Variants in EHMT1 observed in about 807,000 individuals in gnomAD.
EHMT1 encodes histone-lysine N-methyltransferase EHMT1.
A neutral mutation model predicts 147.2 loss-of-function variants in EHMT1; 15 were observed. The ratio of observed to expected loss-of-function variants is 0.10; its 90% CI spans 0.07 to 0.16. The LOEUF is 0.16. EHMT1 is among the 10% of genes least tolerant of loss of function. EHMT1 has a pLI of 1.00. For synonymous variants in EHMT1, 795 were observed against 709.6 expected, an observed-to-expected ratio of 1.12 and a Z score of -1.91; for missense variants, 1,587 against 1,772.4, an observed-to-expected ratio of 0.90 and a Z score of 1.88.
intron 1 of EHMT1, among the ~76,000 whole-genome samples, chr9:137,648,925 C>T (rs1382736842): frequency 6.6e-6 from 1 of 152,166 alleles, no homozygotes; most frequent in Non-Finnish European, 1.5e-5. Flanking sequence ...ATAGTAGTCA[C>T]CCTTTAGCTG....
At chr9:137,821,502 ATTTTATTTTT>A (rs373682870) in intron 25 of EHMT1, among the ~76,000 whole-genome samples, 66 of 151,078 alleles carry the variant, frequency 4.4e-4, no homozygotes, top group Non-Finnish European at 8.1e-4. Flanking sequence ...TAATTTTTTT[ATTTTATTTTT>A]ATAGAGATGG....
chr9:137,768,459 T>C (rs1241784477), intron 10 of EHMT1, among the ~76,000 whole-genome samples: 1 of 148,214 alleles, frequency 6.7e-6, no homozygotes, highest in Admixed American at 6.8e-5. Flanking sequence ...GTTCAAGCGA[T>C]TCTTTTGCCT....
intron 18 of EHMT1, chr9:137,803,223 C>T: frequency 8.8e-7 from 1 of 1,141,630 alleles, no homozygotes; most frequent in Non-Finnish European, 1.1e-6. Context: ...TTAATTTAAC[C>T]ACTTTATTGC....
At position 137,776,525 on chromosome 9, in the gene EHMT1, A is replaced by C; in HGVS notation, c.1792-93A>C. On this transcript the variant is annotated intron_variant, in intron 11 of 26. Coordinates refer to ENST00000460843, the MANE Select transcript of EHMT1 (RefSeq NM_024757.5). This position sits in a 1 kb window ranked among gnomAD's most constrained non-coding sequence, Gnocchi z 4.4. ...CATGGCTCACTCTGCAGACCGCCCG[A>C]TGTGGGATGCGGTGCCAGTTTAGTA... The C allele has an allele frequency of 7.7e-7, 1 of 1,305,558 alleles. No homozygotes were observed. Among genetic ancestry groups the C allele is most frequent in the Non-Finnish European group, 1.1e-6 (1 of 923,602 alleles). 80.9% of individuals were successfully genotyped at this position (1,305,558 alleles called of 1,614,324 possible).
intron 1 of EHMT1, chr9:137,646,518 C>T (rs1423054550): frequency 2.6e-5 from 24 of 906,960 alleles, no homozygotes; most frequent in Non-Finnish European, 3.1e-5. Flanking sequence ...GGAAAGCAGC[C>T]TTGGCTGCCC....
chr9:137,832,093 C>T (rs928925672), intron 25 of EHMT1, among the ~76,000 whole-genome samples: 8 of 150,268 alleles, frequency 5.3e-5, no homozygotes, highest in East Asian at 2.0e-4. Context: ...CGCTGCACTT[C>T]GCCCCAGTCC....
At chr9:137,745,079 C>T (rs1355933437) in intron 6 of EHMT1, among the ~76,000 whole-genome samples, 2 of 152,234 alleles carry the variant, frequency 1.3e-5, no homozygotes, top group Non-Finnish European at 2.9e-5. Flanking sequence ...TAGACGCAAT[C>T]TTGTATCTAA....
At chr9:137,714,506 C>G (rs993182716) in intron 2 of EHMT1, among the ~76,000 whole-genome samples, 1 of 150,398 alleles carries the variant, frequency 6.6e-6, no homozygotes, top group Non-Finnish European at 1.5e-5. Flanking sequence ...ATCCTCCTCA[C>G]CAATTTTGTT....
rs545401254 is a variant in EHMT1 at position 137,757,845 on chromosome 9, G to C, written c.1370-35G>C. On this transcript the variant is annotated intron_variant, in intron 8 of 26. Coordinates refer to ENST00000460843, the MANE Select transcript of EHMT1 (RefSeq NM_024757.5). ...TCTGGGTGGGTGCGGCCGCCTGGGT[G>C]CGTGGTGTCTGATGTGTGTGCCTTT... is the stretch of plus-strand genomic sequence containing the variant. The C allele has an allele frequency of 3.9e-4, 628 of 1,612,688 alleles. 5 individuals carry two copies. In the South Asian group the frequency reaches 6.3e-3, roughly 16 times the overall value.
chr9:137,733,545 C>A (rs1230110966), intron 4 of EHMT1, among the ~76,000 whole-genome samples: 1 of 152,202 alleles, frequency 6.6e-6, no homozygotes, highest in Admixed American at 6.5e-5. Flanking sequence ...CAGTCAGTTT[C>A]AGCTCTGCTG....
intron 1 of EHMT1, among the ~76,000 whole-genome samples, chr9:137,675,704 C>T (rs544599421): frequency 1.8e-3 from 263 of 149,216 alleles, no homozygotes; most frequent in Admixed American, 3.3e-3. Flanking sequence ...CTCCACCTCC[C>T]GGGTTCAAGC....
At chr9:137,725,365 A>G (rs1482477454) in intron 3 of EHMT1, among the ~76,000 whole-genome samples, 1 of 152,148 alleles carries the variant, frequency 6.6e-6, no homozygotes, top group African/African-American at 2.4e-5. Flanking sequence ...ATTAGTGGAC[A>G]TGGCAGGAGG....
intron 16 of EHMT1, among the ~76,000 whole-genome samples, chr9:137,796,668 C>T (rs2137252962): frequency 7.2e-6 from 1 of 139,532 alleles, no homozygotes; most frequent in East Asian, 2.2e-4. Flanking sequence ...CGCACCGCTG[C>T]ACTCCAGCCT....
intron 4 of EHMT1, among the ~76,000 whole-genome samples, chr9:137,740,663 CTCTACTA>C (rs1014236199): frequency 6.9e-6 from 1 of 145,354 alleles, no homozygotes; most frequent in Non-Finnish European, 1.5e-5. Flanking sequence ...ATAGATGTTT[CTCTACTA>C]TTTAATGTGT....
chr9:137,702,841 CT>C (rs1338787731), intron 1 of EHMT1, among the ~76,000 whole-genome samples: 1 of 152,246 alleles, frequency 6.6e-6, no homozygotes, highest in Non-Finnish European at 1.5e-5. Flanking sequence ...TTTCCATATA[CT>C]TGGCCTCCAC....
intron 1 of EHMT1, among the ~76,000 whole-genome samples, chr9:137,707,409 G>T (rs539566859): frequency 6.6e-6 from 1 of 152,342 alleles, no homozygotes; most frequent in African/African-American, 2.4e-5. Flanking sequence ...GTCTGCCTCT[G>T]CTGGGCCTCC....
intron 18 of EHMT1, chr9:137,803,055 A>C: frequency 8.1e-7 from 1 of 1,230,500 alleles, no homozygotes; most frequent in Non-Finnish European, 1.0e-6. Flanking sequence ...CGTGGCGGGG[A>C]AGGCGGCCCT....
chr9:137,662,193 T>C (rs562575224), intron 1 of EHMT1, among the ~76,000 whole-genome samples: 1 of 152,302 alleles, frequency 6.6e-6, no homozygotes, highest in Admixed American at 6.5e-5. Flanking sequence ...ATTGCTGATA[T>C]TTTTGTTTAG....
At chr9:137,807,797 C>G (rs1402925707) in intron 18 of EHMT1, among the ~76,000 whole-genome samples, 1 of 152,192 alleles carries the variant, frequency 6.6e-6, no homozygotes, top group Non-Finnish European at 1.5e-5. Context: ...TGTGAGCCAC[C>G]TCACCCAGCC....
Sources: gnomAD v4.1 joint callset for allele counts (sites outside exome capture counted in the v4.1 genomes callset) on GRCh38, gnomAD v4.1.1 for gene constraint, Gnocchi (gnomAD v3.1) non-coding constraint, MANE v1.5 for transcripts, NCBI Gene and HGNC (gene_info 2026-07-23, HGNC 2026-07-21) for gene names.